The following MINAR1 variants were observed in gnomAD, a reference collection of about 807,000 sequenced individuals.
MINAR1 encodes membrane integral NOTCH2 associated receptor 1.
In MINAR1, 40 loss-of-function variants were observed where a neutral mutation model predicts 65.1. The observed-to-expected ratio is 0.61, with a 90% CI of 0.48 to 0.80. MINAR1 has a LOEUF of 0.80. MINAR1 is among the 30% of genes least tolerant of loss of function. The pLI is 0.00. For synonymous variants in MINAR1, 482 were observed against 449.1 expected (o/e 1.07, Z -0.93); for missense variants, 1,128 against 1,148.0 (o/e 0.98, Z 0.25).
intron 1 of MINAR1, among the ~76,000 whole-genome samples, chr15:79,434,425 C>T (rs1484011405): frequency 1.3e-5 from 2 of 152,240 alleles, no homozygotes; most frequent in African/African-American, 4.8e-5. Context: ...CCTCTATTCA[C>T]AGCAGACGCA....
chr15:79,461,219 G>C (rs1895631227), intron 2 of MINAR1, among the ~76,000 whole-genome samples: 1 of 152,226 alleles, frequency 6.6e-6, no homozygotes, highest in Non-Finnish European at 1.5e-5. Flanking sequence ...CATCTTAGAA[G>C]TGAAAACAGT....
At chr15:79,456,062 C>G (rs1895399748) in intron 1 of MINAR1, 36 bp from the exon 2 acceptor site, 1 of 1,381,236 alleles carries the variant, frequency 7.2e-7, no homozygotes, top group Non-Finnish European at 9.9e-7. Context: ...TTATAATCCT[C>G]TTTTCCTCCT....
chr15:79,452,364 G>T lies in MINAR1; in HGVS notation c.-50-3734G>T, dbSNP rs368234503. 5.9e-5 allele frequency among the ~76,000 whole-genome samples: 9 copies of T among 152,112 alleles called. No individual in the cohort carries two copies. In the East Asian group the frequency reaches 1.4e-3, roughly 23 times the overall value. ...ACTGAAGCTGTGTGAGTGTGTCTGG[G>T]TATATGTATGTCCCTGAGTCTGCAT... On this transcript the variant is annotated intron_variant, in intron 1 of 3. Transcript: ENST00000305428.
chr15:79,460,155 T>C (rs1454631358), intron 2 of MINAR1, among the ~76,000 whole-genome samples: 5 of 152,216 alleles, frequency 3.3e-5, no homozygotes, highest in African/African-American at 1.2e-4. Flanking sequence ...ATGCATTCTC[T>C]TTATTTTGTC....
chr15:79,465,088 T>C (rs911486131), intron 3 of MINAR1, among the ~76,000 whole-genome samples: 10 of 152,146 alleles, frequency 6.6e-5, no homozygotes, highest in Non-Finnish European at 1.5e-4. Flanking sequence ...ATTATAAAAA[T>C]TAAAAATAGA....
chr15:79,424,929 C>A, the MINAR1 span: 1 of 152,148 alleles, frequency 6.6e-6, no homozygotes, highest in African/African-American at 2.4e-5. Context: ...ATGCAAGTTT[C>A]AACACTCATG....
chr15:79,453,785 G>T (rs1895319783), intron 1 of MINAR1, among the ~76,000 whole-genome samples: 1 of 152,130 alleles, frequency 6.6e-6, no homozygotes, highest in East Asian at 1.9e-4. Context: ...TTCACTTCAG[G>T]AGACACTGGG....
rs140611320 is a variant in MINAR1, at chr15:79,450,312, C to A, written c.-50-5786C>A. On this transcript the variant is annotated intron_variant, in intron 1 of 3. Coordinates refer to ENST00000305428, the MANE Select transcript of MINAR1 (RefSeq NM_015206.3). ...CTGTGCCTAGCCCAGTCTCATGCAC[C>A]TTCTGGGTGCTCAGAAACAAGTTTT... is the stretch of plus-strand genomic sequence containing the variant. 3.1e-3 allele frequency among the ~76,000 whole-genome samples: 475 copies of A among 152,302 alleles called. 2 individuals are homozygous for A. Among genetic ancestry groups the A allele is most frequent in the African/African-American group, 0.011 (454 of 41,548 alleles).
In MINAR1 at chr15:79,471,108, C is replaced by T. The variant is rs529749545; in HGVS notation, c.*2724C>T. On this transcript the variant is annotated 3_prime_UTR_variant, in exon 4 of 4. Coordinates refer to ENST00000305428, the MANE Select transcript of MINAR1 (RefSeq NM_015206.3). ...TCTATCCATCTCTCTAATCTTTGCC[C>T]ATCACCTCCTGTTGCAATGAGTTCC... The T allele has an allele frequency of 6.6e-6, 1 of 152,230 alleles. No individual in the cohort carries two copies. The highest frequency in any genetic ancestry group is 1.5e-5 in the Non-Finnish European group (1 of 68,030). The allele number at this position is 152,230 out of a possible 1,614,324, so 9.4% of individuals were successfully genotyped here.
intron 1 of MINAR1, among the ~76,000 whole-genome samples, chr15:79,445,550 A>ATTTTTT (rs60881490): frequency 9.4e-5 from 13 of 138,682 alleles, no homozygotes; most frequent in Admixed American, 3.6e-4. Context: ...TGTGACAGTT[A>ATTTTTT]TTTTTTTTTT....
the MINAR1 span, chr15:79,422,449 G>A: frequency 6.6e-6 from 1 of 152,052 alleles, no homozygotes; most frequent in Non-Finnish European, 1.5e-5. Context: ...TAGGGAGGTT[G>A]AGGCAGGAGA....
chr15:79,439,498 C>T (rs1343062741), intron 1 of MINAR1, among the ~76,000 whole-genome samples: 1 of 151,016 alleles, frequency 6.6e-6, no homozygotes, highest in South Asian at 2.1e-4. Context: ...GGCAGTCAGT[C>T]AGGGAATGTT....
rs1489983462 is a variant in MINAR1, at chr15:79,463,194, A to G, written c.2426A>G (p.Asn809Ser). 1 of 1,614,028 alleles carries G rather than the reference A, an allele frequency of 6.2e-7. No homozygotes were observed. Among genetic ancestry groups the G allele is most frequent in the Non-Finnish European group, 8.5e-7 (1 of 1,180,024 alleles). Residue 809 changes from asparagine to serine, a missense_variant, in exon 3 of 4, where the codon AAC becomes AGC. Asn to Ser is a conservative substitution (Grantham distance 46). Transcript: ENST00000305428. The part of the protein sequence containing the change: ...PASLKAHMKS[N>S]PLYTDMRLTE... Reference sequence around the variant, plus strand: ...TCCCTCAAGGCCCACATGAAGAGCAACCCCCTGTACACAGACATGCGGCTG... The same window carrying G: ...TCCCTCAAGGCCCACATGAAGAGCAGCCCCCTGTACACAGACATGCGGCTG...
rs935891051 is a variant in MINAR1, at chr15:79,471,185, C to G, written c.*2801C>G. ...CTACTGTACTGGGTGCCATCTCCCACCATACTCTGGCATTTTTATGTAAAG... is the reference window on the plus strand; with the variant it reads ...CTACTGTACTGGGTGCCATCTCCCAGCATACTCTGGCATTTTTATGTAAAG... On this transcript the variant is annotated 3_prime_UTR_variant, in exon 4 of 4. Transcript: ENST00000305428. 5 of 152,190 alleles carry G rather than the reference C, an allele frequency of 3.3e-5. No homozygotes were observed. Among genetic ancestry groups the G allele is most frequent in the African/African-American group, 7.2e-5 (3 of 41,426 alleles). 9.4% of individuals were successfully genotyped at this position (152,190 alleles called of 1,614,324 possible).
In MINAR1 at chr15:79,468,074, T is replaced by G; in HGVS notation, c.2554-113T>G. The G allele has an allele frequency of 3.7e-6, 3 of 801,712 alleles. No homozygotes were observed. The South Asian group carries it at 5.2e-5, about 14-fold the overall frequency. 49.7% of individuals were successfully genotyped at this position (801,712 alleles called of 1,614,324 possible). A position where few individuals can be genotyped will look rare whatever the true frequency, so the allele number is the denominator to read the frequency against. On this transcript the variant is annotated intron_variant, in intron 3 of 3. Transcript: ENST00000305428. ...TGGGGCAGTGTTATGCAATACAGTC[T>G]CTAACTCCCAGCTGCAGACAACTTA...
chr15:79,456,366 G>T lies in MINAR1; in HGVS notation c.219G>T (p.Val73=). 2.5e-6 allele frequency: 4 copies of T among 1,614,202 alleles called. No homozygotes were observed. Among genetic ancestry groups the T allele is most frequent in the Non-Finnish European group, 3.4e-6 (4 of 1,180,048 alleles). The part of the protein sequence containing the change: ...TLFKDKMKCT[V]NNQQSKKIMV... ...TCAAAGACAAGATGAAATGCACTGT[G>T]AATAACCAGCAATCAAAGAAAATCA... is the stretch of plus-strand genomic sequence containing the variant. Residue 73 remains valine, a synonymous_variant, in exon 2 of 4, where the codon GTG becomes GTT. Coordinates refer to ENST00000305428, the MANE Select transcript of MINAR1 (RefSeq NM_015206.3).
chr15:79,457,572 C>T lies in MINAR1; in HGVS notation c.1425C>T (p.Gly475=), dbSNP rs1340417863. The change falls in exon 2 of 4, where the codon GGC becomes GGT. Residue 475 remains glycine, a synonymous_variant. Transcript: ENST00000305428. ...TCAGCTCAGACACCAGTAGCGTGGG[C>T]ACCCAGACTGAGCACGTGCTGGAGC... ...GQLSSDTSSV[G]TQTEHVLEPK... is the part of the protein sequence containing the mutation. 2.5e-6 allele frequency: 4 copies of T among 1,614,088 alleles called. No homozygotes were observed. The Admixed American group carries it at 6.7e-5, about 27-fold the overall frequency.
At chr15:79,459,659 G>A (rs1002937669) in intron 2 of MINAR1, among the ~76,000 whole-genome samples, 1 of 152,130 alleles carries the variant, frequency 6.6e-6, no homozygotes, top group African/African-American at 2.4e-5. Flanking sequence ...CTCCTCAAAT[G>A]GTGCTGAGAA....
intron 1 of MINAR1, 150 bp from the exon 2 acceptor site, chr15:79,455,948 T>C (rs1895393981): frequency 1.8e-6 from 1 of 553,842 alleles, no homozygotes; most frequent in Non-Finnish European, 3.1e-6. Context: ...TCGAATGTTA[T>C]GAATATTTTT....
Sources: gnomAD v4.1 joint callset for allele counts (sites outside exome capture counted in the v4.1 genomes callset) on GRCh38, gnomAD v4.1.1 for gene constraint, MANE v1.5 for transcripts, NCBI Gene and HGNC (gene_info 2026-07-23, HGNC 2026-07-21) for gene names.